NPSR1: variants seen among roughly 807,000 people sequenced by gnomAD.
NPSR1 encodes neuropeptide S receptor 1, also known as neuropeptide S receptor.
Under a neutral mutation model 46.9 loss-of-function variants are expected in NPSR1, and 48 were observed. That is an observed-to-expected ratio of 1.02 (90% CI 0.81 to 1.30). The LOEUF (loss-of-function observed/expected upper bound fraction) is 1.30. Among genes scored for constraint, NPSR1 ranks in the 50% most tolerant of loss-of-function variants. The pLI, the probability that NPSR1 is intolerant of heterozygous loss-of-function variation, is 0.00. For missense variants in NPSR1, 450 were observed against 449.5 expected (o/e 1.00, Z -0.01); for synonymous variants, 176 against 168.1 (o/e 1.05, Z -0.36).
intron 3 of NPSR1, among the ~76,000 whole-genome samples, chr7:34,806,098 A>C (rs1333899107): frequency 6.6e-6 from 1 of 152,128 alleles, no homozygotes; most frequent in Non-Finnish European, 1.5e-5. Context: ...AAAATAGTAC[A>C]GTCACTTTGG....
intron 8 of NPSR1, among the ~76,000 whole-genome samples, chr7:34,876,689 T>C (rs1791582845): frequency 6.6e-6 from 1 of 152,092 alleles, no homozygotes. Context: ...AAAGAAAGAC[T>C]CTCTAATCAT....
chr7:34,855,159 G>C (rs918275480), intron 8 of NPSR1, among the ~76,000 whole-genome samples: 7 of 151,880 alleles, frequency 4.6e-5, no homozygotes, highest in South Asian at 2.1e-4. Flanking sequence ...AAAAGAGAAG[G>C]ATTAAAAATC....
intron 2 of NPSR1, among the ~76,000 whole-genome samples, chr7:34,702,956 C>A (rs977715582): frequency 6.6e-6 from 1 of 152,176 alleles, no homozygotes; most frequent in Non-Finnish European, 1.5e-5. Context: ...GTAAACAAAA[C>A]CCTAGTTGAC....
intron 4 of NPSR1, among the ~76,000 whole-genome samples, chr7:34,824,569 A>C (rs1273805686): frequency 1.3e-5 from 2 of 152,174 alleles, no homozygotes; most frequent in Non-Finnish European, 1.5e-5. Context: ...AGAGAAAAAC[A>C]GCTCCAAGCC....
chr7:34,829,184 T>C (rs926073932), intron 5 of NPSR1, among the ~76,000 whole-genome samples: 2 of 152,126 alleles, frequency 1.3e-5, no homozygotes, highest in Admixed American at 6.5e-5. Context: ...GAATTAAGAC[T>C]AAAAGAAGTT....
intron 3 of NPSR1, among the ~76,000 whole-genome samples, chr7:34,791,086 TTA>T (rs575241863): frequency 3.5e-4 from 35 of 100,274 alleles, no homozygotes; most frequent in Middle Eastern, 0.011. Context: ...ATGTTATATG[TTA>T]TATATATTAT....
intron 2 of NPSR1, among the ~76,000 whole-genome samples, chr7:34,725,246 T>C (rs1258027929): frequency 6.6e-6 from 1 of 152,138 alleles, no homozygotes; most frequent in Non-Finnish European, 1.5e-5. Context: ...GGGAAAATAC[T>C]TGTAAAACTG....
intron 5 of NPSR1, among the ~76,000 whole-genome samples, chr7:34,830,043 C>T (rs73094703): frequency 0.12 from 18,785 of 152,302 alleles, 1,476 homozygotes; most frequent in South Asian, 0.19. Flanking sequence ...GACTAACATC[C>T]TCTACCTCCT....
At chr7:34,676,319 G>A (rs560842631) in intron 1 of NPSR1, among the ~76,000 whole-genome samples, 32 of 152,222 alleles carry the variant, frequency 2.1e-4, no homozygotes, top group African/African-American at 7.2e-4. Flanking sequence ...ACAAATAAGA[G>A]GTCAGAGAGG....
chr7:34,739,448 G>T (rs1784832595), intron 2 of NPSR1, among the ~76,000 whole-genome samples: 2 of 152,026 alleles, frequency 1.3e-5, no homozygotes, highest in South Asian at 4.2e-4. Context: ...GCTGTGAAAT[G>T]GTATCTCTGT....
At position 34,672,125 on chromosome 7, in the gene NPSR1, G is replaced by C. The variant is rs35057429; in HGVS notation, c.148-12427G>C. Among the ~76,000 whole-genome samples the C allele has an allele frequency of 4.5e-3, 690 of 152,280 alleles. 4 individuals carry two copies. Among genetic ancestry groups the C allele is most frequent in the African/African-American group, 0.016 (653 of 41,550 alleles). ...ATTTCAAGAGTCTAGTGCTTAAATA[G>C]CAATTTAAATGTTAATCTCAGTTCT... is the stretch of plus-strand genomic sequence containing the variant. On this transcript the variant is annotated intron_variant, in intron 1 of 8. Coordinates refer to ENST00000360581, the MANE Select transcript of NPSR1 (RefSeq NM_207172.2).
intron 2 of NPSR1, among the ~76,000 whole-genome samples, chr7:34,739,667 G>T (rs1326837626): frequency 6.6e-6 from 1 of 152,154 alleles, no homozygotes; most frequent in Non-Finnish European, 1.5e-5. Context: ...TCTAGTGATT[G>T]TTATCTCTCT....
At chr7:34,661,770 T>A (rs1019207437) in intron 1 of NPSR1, among the ~76,000 whole-genome samples, 6 of 152,186 alleles carry the variant, frequency 3.9e-5, no homozygotes, top group African/African-American at 1.4e-4. Context: ...AGACCCTGGC[T>A]CCCTTCACAG....
chr7:34,762,003 G>T (rs1786197572), intron 2 of NPSR1, among the ~76,000 whole-genome samples: 1 of 152,174 alleles, frequency 6.6e-6, no homozygotes, highest in Non-Finnish European at 1.5e-5. Flanking sequence ...ACTCAGGTAG[G>T]CCAGTTGCCT....
At chr7:34,756,524 T>A (rs1434093081) in intron 2 of NPSR1, among the ~76,000 whole-genome samples, 1 of 152,204 alleles carries the variant, frequency 6.6e-6, no homozygotes, top group Non-Finnish European at 1.5e-5. Flanking sequence ...ATGATCTCTG[T>A]GTCAACTACC....
chr7:34,815,398 G>A (rs994151318), intron 4 of NPSR1, among the ~76,000 whole-genome samples: 14 of 152,124 alleles, frequency 9.2e-5, no homozygotes, highest in African/African-American at 3.1e-4. Flanking sequence ...AACAAACAAA[G>A]CCTCCAAGAA....
At chr7:34,804,327 G>A (rs62462947) in intron 3 of NPSR1, among the ~76,000 whole-genome samples, 18,605 of 151,978 alleles carry the variant, frequency 0.12, 1,424 homozygotes, top group Non-Finnish European at 0.17. Flanking sequence ...TATAGTCCGT[G>A]GCCAAGTGAG....
intron 3 of NPSR1, among the ~76,000 whole-genome samples, chr7:34,780,963 C>T (rs1214297410): frequency 6.6e-6 from 1 of 152,150 alleles, no homozygotes; most frequent in Non-Finnish European, 1.5e-5. Flanking sequence ...AAACAACAGA[C>T]TAACCAAAGC....
At chr7:34,777,099 T>C (rs540127084) in intron 2 of NPSR1, among the ~76,000 whole-genome samples, 1 of 152,160 alleles carries the variant, frequency 6.6e-6, no homozygotes, top group Non-Finnish European at 1.5e-5. Flanking sequence ...CAGTAGTCCA[T>C]GTGCCTCCCC....
Sources: allele counts gnomAD v4.1 joint callset (sites outside exome capture counted in the v4.1 genomes callset), GRCh38; gene constraint gnomAD v4.1.1; transcripts MANE v1.5; gene names NCBI Gene and HGNC (gene_info 2026-07-23, HGNC 2026-07-21).